Variants in ABCA13 observed in about 807,000 individuals in gnomAD.
The protein encoded by ABCA13 is ATP-binding cassette sub-family A member 13.
Under a neutral mutation model 478.7 loss-of-function variants are expected in ABCA13, and 476 were observed. That is an observed-to-expected ratio of 0.99 (90% CI 0.92 to 1.07). The LOEUF is 1.07. Among genes scored for constraint, ABCA13 ranks in the 50% least tolerant of loss-of-function variants. The pLI is 0.00. For missense variants in ABCA13, 6,060 were observed against 5,910.6 expected (o/e 1.03, Z -0.83); for synonymous variants, 2,252 against 2,158.9 (o/e 1.04, Z -1.20).
intron 55 of ABCA13, among the ~76,000 whole-genome samples, chr7:48,530,550 T>A (rs1442527036): frequency 6.6e-6 from 1 of 152,152 alleles, no homozygotes; most frequent in African/African-American, 2.4e-5. Context: ...CTTTTAGTAC[T>A]TTAAGGAATC....
At chr7:48,523,955 C>A (rs889450792) in intron 53 of ABCA13, among the ~76,000 whole-genome samples, 5 of 152,112 alleles carry the variant, frequency 3.3e-5, no homozygotes, top group Non-Finnish European at 5.9e-5. Flanking sequence ...ACATTTAGTA[C>A]AATTAATCTG....
At chr7:48,262,483 A>G (rs759605828) in intron 15 of ABCA13, among the ~76,000 whole-genome samples, 5 of 151,900 alleles carry the variant, frequency 3.3e-5, no homozygotes, top group Non-Finnish European at 5.9e-5. Flanking sequence ...TTTTTCTTGA[A>G]GTTTAAGCTT....
chr7:48,431,136 CT>C (rs975960723), intron 42 of ABCA13, among the ~76,000 whole-genome samples: 3 of 151,900 alleles, frequency 2.0e-5, no homozygotes, highest in African/African-American at 7.3e-5. Context: ...TTGTGAGTTT[CT>C]AAATTCCCTT....
chr7:48,458,779 C>T (rs1371559030), intron 43 of ABCA13, among the ~76,000 whole-genome samples: 1 of 152,096 alleles, frequency 6.6e-6, no homozygotes, highest in African/African-American at 2.4e-5. Flanking sequence ...CTTCTTGGGC[C>T]CAAACAAACC....
intron 29 of ABCA13, among the ~76,000 whole-genome samples, chr7:48,342,448 G>T (rs1360190225): frequency 6.6e-6 from 1 of 152,082 alleles, no homozygotes; most frequent in Non-Finnish European, 1.5e-5. Flanking sequence ...GGACTTGTTT[G>T]AGACATTTAT....
intron 16 of ABCA13, among the ~76,000 whole-genome samples, chr7:48,271,094 C>G (rs1584536744): frequency 6.6e-6 from 1 of 152,164 alleles, no homozygotes; most frequent in East Asian, 1.9e-4. Context: ...TGCTACATTT[C>G]TAAAGGATGA....
chr7:48,427,563 T>A (rs1342563608), intron 41 of ABCA13, among the ~76,000 whole-genome samples: 1 of 152,228 alleles, frequency 6.6e-6, no homozygotes, highest in Non-Finnish European at 1.5e-5. Context: ...GTTTCATTCA[T>A]CTTTGCATCC....
Position 48,198,937 on chromosome 7 carries a change from A to G in ABCA13, c.287+577A>G, listed in dbSNP as rs559110435. On this transcript the variant is annotated intron_variant, in intron 3 of 61. Coordinates refer to ENST00000435803, the MANE Select transcript of ABCA13 (RefSeq NM_152701.5). ...AACTCAAGAAGAGAAGGAGAAGAAG[A>G]TATTTCATGTGAGAAGAGACAAAGT... 2.2e-4 allele frequency among the ~76,000 whole-genome samples: 33 copies of G among 152,280 alleles called. No individual in the cohort carries two copies. In the East Asian group the frequency reaches 6.2e-3, roughly 29 times the overall value.
At chr7:48,578,394 T>C (rs1788394521) in intron 55 of ABCA13, among the ~76,000 whole-genome samples, 1 of 152,180 alleles carries the variant, frequency 6.6e-6, no homozygotes, top group South Asian at 2.1e-4. Context: ...ACAACGTTAA[T>C]ATAGAAAAGT....
rs191440214 is a variant in ABCA13 at position 48,359,945 on chromosome 7, G to A, written c.10688+7458G>A. Among the ~76,000 whole-genome samples, 250 of 152,106 alleles carry A rather than the reference G, an allele frequency of 1.6e-3. 2 individuals carry two copies. Among genetic ancestry groups the A allele is most frequent in the Admixed American group, 4.1e-3 (62 of 15,300 alleles). ...AAAGTCCACCTGCAGAAAAAGCAAT[G>A]GTGACAATTAGTGTTTGTGAAGATC... On this transcript the variant is annotated intron_variant, in intron 31 of 61. Transcript: ENST00000435803.
chr7:48,459,001 A>G (rs1426904151), intron 43 of ABCA13, among the ~76,000 whole-genome samples: 1 of 152,178 alleles, frequency 6.6e-6, no homozygotes, highest in Non-Finnish European at 1.5e-5. Flanking sequence ...TTCATGACCC[A>G]GGCTTCTGAC....
chr7:48,473,425 A>T (rs906833811), intron 45 of ABCA13, among the ~76,000 whole-genome samples: 1 of 152,154 alleles, frequency 6.6e-6, no homozygotes. Flanking sequence ...CTGTGAGGGA[A>T]TTCATCTCCC....
intron 58 of ABCA13, among the ~76,000 whole-genome samples, chr7:48,610,509 C>A (rs895704761): frequency 2.0e-5 from 3 of 152,146 alleles, no homozygotes; most frequent in Non-Finnish European, 2.9e-5. Context: ...GGGTGGTAGC[C>A]CTCTTCTCAC....
chr7:48,563,693 A>G (rs920762555), intron 55 of ABCA13, among the ~76,000 whole-genome samples: 15 of 152,106 alleles, frequency 9.9e-5, no homozygotes, highest in African/African-American at 2.4e-4. Context: ...GAAAAGTTGC[A>G]TAAGTCTTTA....
At chr7:48,372,652 T>C (rs367844511) in intron 33 of ABCA13, among the ~76,000 whole-genome samples, 155 bp downstream of exon 33, 113 of 152,330 alleles carry the variant, frequency 7.4e-4, no homozygotes, top group African/African-American at 2.5e-3. Flanking sequence ...TACCCACAAA[T>C]GCAAACCGTT....
intron 45 of ABCA13, among the ~76,000 whole-genome samples, chr7:48,478,452 A>G (rs915128143): frequency 6.6e-6 from 1 of 152,016 alleles, no homozygotes; most frequent in Admixed American, 6.6e-5. Context: ...AAGCAGATTA[A>G]TTGGAGAAAA....
chr7:48,239,292 A>G lies in ABCA13; in HGVS notation c.949A>G (p.Thr317Ala). ...GATGGTGTGTTCAGTCTTGTCTAGCACATCAGAGGATGAAGCTGAGAAATG... is the reference window on the plus strand; with the variant it reads ...GATGGTGTGTTCAGTCTTGTCTAGCGCATCAGAGGATGAAGCTGAGAAATG... Reference protein sequence around the residue: ...EKMVCSVLSSTSEDEAEKWGH... With the variant: ...EKMVCSVLSSASEDEAEKWGH... The change falls in exon 9 of 62, where the codon ACA becomes GCA. Residue 317 changes from threonine (T) to alanine (A), a missense_variant. Thr to Ala is a moderately conservative substitution (Grantham distance 58). Around this residue, in one of 3 missense-constraint regions of ABCA13, gnomAD observed 4,423 missense variants for 4,309.1 expected, o/e 1.03. Coordinates refer to ENST00000435803, the MANE Select transcript of ABCA13 (RefSeq NM_152701.5). The G allele has an allele frequency of 6.2e-7, 1 of 1,613,962 alleles. No homozygotes were observed. The highest frequency in any genetic ancestry group is 1.7e-5 in the Admixed American group (1 of 60,018).
intron 42 of ABCA13, 89 bp from the exon 43 acceptor site, chr7:48,454,948 C>A (rs1825482619): frequency 7.1e-7 from 1 of 1,413,884 alleles, no homozygotes. Flanking sequence ...CTGCGAGATG[C>A]CGCAGGGTCA....
chr7:48,580,379 A>G lies in ABCA13; in HGVS notation c.14505+5A>G, dbSNP rs779682905. 6 of 1,609,836 alleles carry G rather than the reference A, an allele frequency of 3.7e-6. No individual in the cohort carries two copies. Among genetic ancestry groups the G allele is most frequent in the Non-Finnish European group, 4.2e-6 (5 of 1,178,114 alleles). Reference sequence around the variant, plus strand: ...CCAAGGCAGTGCATCCCTGAGGTAAATCTCCCTGGGGTCTTCTAGATAAAG... The same window carrying G: ...CCAAGGCAGTGCATCCCTGAGGTAAGTCTCCCTGGGGTCTTCTAGATAAAG... On this transcript the variant is annotated splice_donor_5th_base_variant and intron_variant, in intron 56 of 61. Transcript: ENST00000435803.
Sources: allele counts gnomAD v4.1 joint callset (sites outside exome capture counted in the v4.1 genomes callset), GRCh38; gene constraint gnomAD v4.1.1; regional missense constraint gnomAD v4.1.1; transcripts MANE v1.5; gene names NCBI Gene and HGNC (gene_info 2026-07-23, HGNC 2026-07-21).